Variants in DEK observed in about 807,000 individuals in gnomAD.
DEK encodes DEK proto-oncogene.
DEK carries 28 observed loss-of-function variants against 46.8 expected under a neutral mutation model. That is an observed-to-expected ratio of 0.60 (90% CI 0.44 to 0.82). The LOEUF (loss-of-function observed/expected upper bound fraction) is 0.82, where lower values mean the gene tolerates loss of function less well. Ranked by LOEUF, DEK falls within the 40% of genes least tolerant of loss-of-function variation. DEK has a pLI of 0.00. For synonymous variants in DEK, 160 were observed against 144.5 expected (o/e 1.11, Z -0.77); for missense variants, 416 against 430.6 (o/e 0.97, Z 0.30).
chr6:18,227,067 A>G (rs905797950), intron 9 of DEK, among the ~76,000 whole-genome samples: 9 of 152,206 alleles, frequency 5.9e-5, no homozygotes, highest in Admixed American at 1.3e-4. Flanking sequence ...TAGGAAAGCC[A>G]GGTATTGTCC....
chr6:18,253,772 C>T (rs1236351885), intron 6 of DEK, among the ~76,000 whole-genome samples: 1 of 152,082 alleles, frequency 6.6e-6, no homozygotes, highest in East Asian at 2.0e-4. Context: ...GGATGGAATG[C>T]AGTGGCATGA....
At chr6:18,244,413 C>A in intron 7 of DEK, 1 of 549,922 alleles carries the variant, frequency 1.8e-6, no homozygotes, top group Non-Finnish European at 2.8e-6. Context: ...GGGGATTCTC[C>A]CTGTCTCTGA....
intron 9 of DEK, among the ~76,000 whole-genome samples, chr6:18,235,852 T>A (rs1790625233): frequency 6.6e-6 from 1 of 152,218 alleles, no homozygotes; most frequent in Non-Finnish European, 1.5e-5. Context: ...GGTGAATGAA[T>A]GAACAAAATA....
chr6:18,234,352 A>G (rs983959879), intron 9 of DEK, among the ~76,000 whole-genome samples: 8 of 152,154 alleles, frequency 5.3e-5, no homozygotes, highest in African/African-American at 1.7e-4. Flanking sequence ...GTATTAAAAA[A>G]AAGAAAAAAA....
intron 2 of DEK, among the ~76,000 whole-genome samples, chr6:18,259,805 G>C (rs1561993440): frequency 6.6e-6 from 1 of 152,194 alleles, no homozygotes; most frequent in African/African-American, 2.4e-5. Flanking sequence ...TTTAAAGACA[G>C]CTTAGATTTA....
At position 18,225,015 on chromosome 6, in the gene DEK, T is replaced by G. The variant is rs948441260; in HGVS notation, c.*704A>C. The G allele has an allele frequency of 4.6e-6, 1 of 217,474 alleles. No individual in the cohort carries two copies. The allele number at this position is 217,474 out of a possible 1,614,324, so 13.5% of individuals were successfully genotyped here. ...GACTTTCACTGTTCCATCATACTGT[T>G]TGGCTGAACACTGACATTCCATAGT... On this transcript the variant is annotated 3_prime_UTR_variant, in exon 11 of 11. Transcript: ENST00000652689.
intron 9 of DEK, among the ~76,000 whole-genome samples, chr6:18,230,175 T>C (rs1293287473): frequency 1.3e-5 from 2 of 152,014 alleles, no homozygotes; most frequent in African/African-American, 2.4e-5. Flanking sequence ...GACAAGCAAA[T>C]GCTGAGAGAT....
intron 7 of DEK, 140 bp from the exon 8 acceptor site, chr6:18,237,656 A>G (rs1403074309): frequency 4.5e-6 from 5 of 1,117,820 alleles, no homozygotes; most frequent in Non-Finnish European, 6.1e-6. Flanking sequence ...ATTCTTTTTG[A>G]GAGATGACTA....
chr6:18,226,409 ATAT>A (rs1199888725), intron 9 of DEK, among the ~76,000 whole-genome samples, 167 bp from the exon 10 acceptor site: 1 of 152,224 alleles, frequency 6.6e-6, no homozygotes, highest in Non-Finnish European at 1.5e-5. Flanking sequence ...TATTTTAATA[ATAT>A]TGTATATGAT....
In DEK at chr6:18,236,277, A is replaced by C. The variant is rs563880528; in HGVS notation, c.1047+175T>G. Among the ~76,000 whole-genome samples the C allele has an allele frequency of 4.6e-5, 7 of 152,320 alleles. No individual in the cohort carries two copies. In the South Asian group the frequency reaches 1.4e-3, roughly 32 times the overall value. Reference sequence around the variant, plus strand: ...TTATAAAATAACTCTATTAGGACAGAGACTTTGACTATTTTAAGTGGTATC... The same window carrying C: ...TTATAAAATAACTCTATTAGGACAGCGACTTTGACTATTTTAAGTGGTATC... On this transcript the variant is annotated intron_variant, in intron 9 of 10. Coordinates refer to ENST00000652689, the MANE Select transcript of DEK (RefSeq NM_003472.4).
chr6:18,262,803 T>C (rs996487278), intron 2 of DEK, among the ~76,000 whole-genome samples: 6 of 152,240 alleles, frequency 3.9e-5, no homozygotes, highest in African/African-American at 1.4e-4. Flanking sequence ...ATAGTTTATG[T>C]GAAAACTTAT....
At chr6:18,229,719 G>A (rs1012373587) in intron 9 of DEK, among the ~76,000 whole-genome samples, 39 of 152,272 alleles carry the variant, frequency 2.6e-4, no homozygotes, top group African/African-American at 7.9e-4. Flanking sequence ...CAAGAAACAC[G>A]GGACTATGTG....
At position 18,225,207 on chromosome 6, in the gene DEK, C is replaced by T. The variant is rs564868665; in HGVS notation, c.*512G>A. 5.0e-4 allele frequency: 113 copies of T among 227,442 alleles called. 1 individual carries two copies. The highest frequency in any genetic ancestry group is 1.3e-3 in the Middle Eastern group (1 of 748). 14.1% of individuals were successfully genotyped at this position (227,442 alleles called of 1,614,324 possible). A position where few individuals can be genotyped will look rare whatever the true frequency, so the allele number is the denominator to read the frequency against. On this transcript the variant is annotated 3_prime_UTR_variant, in exon 11 of 11. Transcript: ENST00000652689. Reference sequence around the variant, plus strand: ...TATATACACATGCAGGAGAAAAGTTCCAATTCAGTGATCTGGACAACTGTA... The same window carrying T: ...TATATACACATGCAGGAGAAAAGTTTCAATTCAGTGATCTGGACAACTGTA...
At chr6:18,241,079 A>C (rs1031202962) in intron 7 of DEK, among the ~76,000 whole-genome samples, 4 of 152,230 alleles carry the variant, frequency 2.6e-5, no homozygotes, top group Admixed American at 6.5e-5. Flanking sequence ...GAGTTAAGAA[A>C]TCATGAAAGC....
intron 1 of DEK, 69 bp from the exon 2 acceptor site, chr6:18,264,065 T>C: frequency 1.4e-6 from 2 of 1,414,056 alleles, no homozygotes; most frequent in Non-Finnish European, 1.9e-6. Flanking sequence ...GCGGCCACCC[T>C]GAATGATGCT....
At chr6:18,256,478 A>G (rs1582293948) in intron 4 of DEK, 23 bp from the exon 5 acceptor site, 2 of 1,579,868 alleles carry the variant, frequency 1.3e-6, no homozygotes, top group African/African-American at 1.4e-5. Context: ...CTTATTATTA[A>G]TGGTATTTAT....
chr6:18,226,342 C>A, intron 9 of DEK, 100 bp from the exon 10 acceptor site: 2 of 993,474 alleles, frequency 2.0e-6, no homozygotes, highest in Non-Finnish European at 2.8e-6. Flanking sequence ...GTGCAAATAG[C>A]CACAACCATC....
chr6:18,264,504 C>A lies in DEK; in HGVS notation c.-129G>T. The A allele has an allele frequency of 4.0e-6, 1 of 247,254 alleles. No individual in the cohort carries two copies. The highest frequency in any genetic ancestry group is 4.6e-5 in the South Asian group (1 of 21,562). The allele number at this position is 247,254 out of a possible 1,614,324, so 15.3% of individuals were successfully genotyped here. On this transcript the variant is annotated 5_prime_UTR_variant, in exon 1 of 11. Transcript: ENST00000652689. ...GCTGTCTGGCGTGACGCTCGCGCCG[C>A]GCGCTCGGCTCCCCAGAATCAACAA...
At chr6:18,263,683 TCAAAA>T (rs1036628654) in intron 2 of DEK, among the ~76,000 whole-genome samples, 155 bp downstream of exon 2, 1 of 152,118 alleles carries the variant, frequency 6.6e-6, no homozygotes, top group Non-Finnish European at 1.5e-5. Flanking sequence ...ACGCCATCGC[TCAAAA>T]CAAAAGCAGA....
Sources: allele counts gnomAD v4.1 joint callset (sites outside exome capture counted in the v4.1 genomes callset), GRCh38; gene constraint gnomAD v4.1.1; transcripts MANE v1.5; gene names NCBI Gene and HGNC (gene_info 2026-07-23, HGNC 2026-07-21).